The following MAD1L1 variants were observed in gnomAD, a reference collection of about 807,000 sequenced individuals.
MAD1L1 encodes the protein mitotic arrest deficient 1 like 1, also known as mitotic spindle assembly checkpoint protein MAD1.
Under a neutral mutation model 96.9 loss-of-function variants are expected in MAD1L1, and 95 were observed. The observed-to-expected ratio is 0.98, with a 90% confidence interval of 0.83 to 1.16. The LOEUF is 1.16. Ranked by LOEUF, MAD1L1 falls within the 50% of genes most tolerant of loss-of-function variation. MAD1L1 has a pLI of 0.00. For synonymous variants in MAD1L1, 473 were observed against 396.6 expected (o/e 1.19, Z -2.29); for missense variants, 1,007 against 954.4 (o/e 1.06, Z -0.73).
intron 17 of MAD1L1, among the ~76,000 whole-genome samples, chr7:1,908,984 G>C (rs34961072): frequency 0.29 from 44,338 of 152,158 alleles, 7,710 homozygotes; most frequent in East Asian, 0.45. Flanking sequence ...GCCAGCATTG[G>C]CATCTCCAGA....
chr7:2,202,734 C>T (rs1211407049), intron 10 of MAD1L1, among the ~76,000 whole-genome samples: 1 of 152,230 alleles, frequency 6.6e-6, no homozygotes, highest in Non-Finnish European at 1.5e-5. Flanking sequence ...TATTGATCAA[C>T]TCAACAGCCG....
intron 12 of MAD1L1, among the ~76,000 whole-genome samples, chr7:2,029,695 A>AC (rs1274877879): frequency 6.6e-6 from 1 of 152,182 alleles, no homozygotes; most frequent in East Asian, 1.9e-4. Flanking sequence ...CGGACTCCAG[A>AC]GGCCTGGAGG....
At chr7:2,076,011 G>A (rs1471485371) in intron 11 of MAD1L1, among the ~76,000 whole-genome samples, 1 of 152,244 alleles carries the variant, frequency 6.6e-6, no homozygotes, top group African/African-American at 2.4e-5. Flanking sequence ...TCTGAGAGAG[G>A]CCAGGACAGG....
chr7:2,217,127 T>C (rs1646883610), intron 7 of MAD1L1, among the ~76,000 whole-genome samples: 1 of 152,222 alleles, frequency 6.6e-6, no homozygotes, highest in Admixed American at 6.5e-5. Context: ...AGCCCACTTC[T>C]GCCACTCTAG....
At chr7:2,044,718 G>A (rs535323614) in intron 12 of MAD1L1, among the ~76,000 whole-genome samples, 9 of 152,142 alleles carry the variant, frequency 5.9e-5, no homozygotes, top group African/African-American at 1.4e-4. Flanking sequence ...CGTGTTTCCC[G>A]CTCAGCTTTG....
intron 13 of MAD1L1, among the ~76,000 whole-genome samples, chr7:2,003,747 G>C (rs959405168): frequency 5.3e-5 from 8 of 152,176 alleles, no homozygotes; most frequent in African/African-American, 1.7e-4. Context: ...ACACTGCCCT[G>C]GGGGAGGCCC....
chr7:1,869,769 T>C (rs2128654486), intron 18 of MAD1L1, among the ~76,000 whole-genome samples: 1 of 152,274 alleles, frequency 6.6e-6, no homozygotes, highest in Non-Finnish European at 1.5e-5. Context: ...GTGGGCTCCA[T>C]GGAACACATC....
In MAD1L1 at chr7:2,048,746, G is replaced by A. The variant is rs537777080; in HGVS notation, c.1218+20448C>T. ...AACGGAGCTGTGATGGGAGCCTCCC[G>A]AGCCTGGCTGAGCCCCCTGTGCCAC... On this transcript the variant is annotated intron_variant, in intron 12 of 18. Coordinates refer to ENST00000265854, the MANE Select transcript of MAD1L1 (RefSeq NM_001013836.2). Among the ~76,000 whole-genome samples the A allele has an allele frequency of 2.6e-5, 4 of 152,294 alleles. No individual in the cohort carries two copies. The South Asian group carries it at 6.2e-4, about 24-fold the overall frequency.
chr7:2,150,684 C>A (rs1295714177), intron 10 of MAD1L1, among the ~76,000 whole-genome samples: 1 of 152,220 alleles, frequency 6.6e-6, no homozygotes, highest in Non-Finnish European at 1.5e-5. Context: ...ACAAAGCTAC[C>A]AAGAGCCTGT....
In MAD1L1 at chr7:2,037,884, G is replaced by A. The variant is rs576007187; in HGVS notation, c.1219-23242C>T. On this transcript the variant is annotated intron_variant, in intron 12 of 18. Transcript: ENST00000265854. ...AAGCATTCAAGAGAAAGGAAGAGTCGCATGTCTCTCCTTTAAACCAAAAGC... is the reference window on the plus strand; with the variant it reads ...AAGCATTCAAGAGAAAGGAAGAGTCACATGTCTCTCCTTTAAACCAAAAGC... Among the ~76,000 whole-genome samples the A allele has an allele frequency of 5.5e-4, 84 of 152,258 alleles. 2 individuals carry two copies. The South Asian group carries it at 0.017, about 31-fold the overall frequency.
chr7:2,043,315 G>A (rs1436855691), intron 12 of MAD1L1, among the ~76,000 whole-genome samples: 4 of 152,206 alleles, frequency 2.6e-5, no homozygotes, highest in East Asian at 1.9e-4. Flanking sequence ...TCCTGACAGC[G>A]CAGTGCAGTG....
chr7:1,825,945 C>CCGG (rs1782368103), intron 18 of MAD1L1, among the ~76,000 whole-genome samples: 2 of 151,784 alleles, frequency 1.3e-5, no homozygotes, highest in Non-Finnish European at 2.9e-5. Context: ...GGGTTGGAGG[C>CCGG]CAGCACGGTC....
intron 12 of MAD1L1, among the ~76,000 whole-genome samples, chr7:2,043,516 G>A (rs1356638594): frequency 6.6e-6 from 1 of 152,258 alleles, no homozygotes; most frequent in Admixed American, 6.5e-5. Context: ...CCTGTGGGCT[G>A]GAGGTGGCCG....
At chr7:1,975,801 G>A (rs1780609695) in intron 15 of MAD1L1, among the ~76,000 whole-genome samples, 2 of 152,208 alleles carry the variant, frequency 1.3e-5, no homozygotes, top group South Asian at 2.1e-4. Context: ...GCGTCTCCAG[G>A]GCCCCCAGCA....
At chr7:2,141,390 G>A (rs1789024482) in intron 11 of MAD1L1, among the ~76,000 whole-genome samples, 2 of 152,224 alleles carry the variant, frequency 1.3e-5, no homozygotes, top group African/African-American at 4.8e-5. Flanking sequence ...CTCGATCTCA[G>A]GCCCAGCAGC....
intron 17 of MAD1L1, among the ~76,000 whole-genome samples, chr7:1,914,458 G>A (rs1250599360): frequency 6.6e-6 from 1 of 152,354 alleles, no homozygotes; most frequent in Admixed American, 6.5e-5. Flanking sequence ...GTGGAGGAAA[G>A]GCCGTGTGCC....
At chr7:1,823,178 T>C (rs1284253269) in intron 18 of MAD1L1, among the ~76,000 whole-genome samples, 1 of 152,148 alleles carries the variant, frequency 6.6e-6, no homozygotes, top group Non-Finnish European at 1.5e-5. Flanking sequence ...TTGTCTTTGC[T>C]ACAGCTGGAG....
intron 11 of MAD1L1, among the ~76,000 whole-genome samples, chr7:2,092,224 A>G (rs1786252310): frequency 6.6e-6 from 1 of 152,112 alleles, no homozygotes; most frequent in Non-Finnish European, 1.5e-5. Context: ...ACTAATTTGC[A>G]ATCCCCCAAA....
chr7:1,898,161 G>A, intron 18 of MAD1L1, 39 bp downstream of exon 18: 1 of 1,559,782 alleles, frequency 6.4e-7, no homozygotes, highest in Non-Finnish European at 8.7e-7. Flanking sequence ...AGGAGACAGA[G>A]AGCGAGACAG....
Sources: gnomAD v4.1 joint callset for allele counts (sites outside exome capture counted in the v4.1 genomes callset) on GRCh38, gnomAD v4.1.1 for gene constraint, MANE v1.5 for transcripts, NCBI Gene and HGNC (gene_info 2026-07-23, HGNC 2026-07-21) for gene names.